The following IGDCC3 variants were observed in gnomAD, a reference collection of about 807,000 sequenced individuals.
IGDCC3 encodes immunoglobulin superfamily DCC subclass member 3.
IGDCC3 carries 47 observed loss-of-function variants against 72.0 expected under a neutral mutation model. The ratio of observed to expected loss-of-function variants is 0.65; its 90% CI spans 0.52 to 0.83. The LOEUF (loss-of-function observed/expected upper bound fraction) is 0.83. Among genes scored for constraint, IGDCC3 ranks in the 40% least tolerant of loss-of-function variants. The pLI, the probability that IGDCC3 is intolerant of heterozygous loss-of-function variation, is 0.00. For missense variants in IGDCC3, 1,038 were observed against 1,091.3 expected (o/e 0.95, Z 0.69); for synonymous variants, 477 against 472.8 (o/e 1.01, Z -0.11).
intron 2 of IGDCC3, among the ~76,000 whole-genome samples, chr15:65,349,279 G>A (rs915206025): frequency 5.9e-5 from 9 of 152,158 alleles, no homozygotes; most frequent in Non-Finnish European, 1.3e-4. Flanking sequence ...TTTATGATGT[G>A]GCTTGGCCCC....
intron 6 of IGDCC3, 104 bp from the exon 7 acceptor site, chr15:65,332,210 G>T: frequency 7.4e-7 from 1 of 1,352,820 alleles, no homozygotes; most frequent in Non-Finnish European, 1.0e-6. Flanking sequence ...AGGGTGAGAG[G>T]TGGGCTCCAA....
In IGDCC3 at chr15:65,328,294, G is replaced by GTTTTTTTTTTT. The variant is rs1567058358; in HGVS notation, c.*614_*615insAAAAAAAAAAA. 1.2e-5 allele frequency: 1 copy of GTTTTTTTTTTT among 86,698 alleles called. No individual in the cohort carries two copies. The highest frequency in any genetic ancestry group is 2.3e-5 in the Non-Finnish European group (1 of 43,212). 5.4% of individuals were successfully genotyped at this position (86,698 alleles called of 1,614,324 possible). A position where few individuals can be genotyped will look rare whatever the true frequency, so the allele number is the denominator to read the frequency against. On this transcript the variant is annotated 3_prime_UTR_variant, in exon 14 of 14. Coordinates refer to ENST00000327987, the MANE Select transcript of IGDCC3 (RefSeq NM_004884.4). ...CTTTCACACCTGGAAACGGGGAAGT[G>GTTTTTTTTTTT]CTTTTTTTTTTTTTTTTTTTTTTAC...
chr15:65,339,437 A>AT lies in IGDCC3; in HGVS notation c.410-3482dup, dbSNP rs1316398977. Among the ~76,000 whole-genome samples, 1 of 152,030 alleles carries AT rather than the reference A, an allele frequency of 6.6e-6. No homozygotes were observed. Among genetic ancestry groups the AT allele is most frequent in the Non-Finnish European group, 1.5e-5 (1 of 67,988 alleles). On this transcript the variant is annotated intron_variant, in intron 2 of 13. Coordinates refer to ENST00000327987, the MANE Select transcript of IGDCC3 (RefSeq NM_004884.4). The surrounding 1 kb of genome is among the most constrained non-coding windows in gnomAD (Gnocchi z 4.1). ...CCTACGTTGCCCGGACTGGCACAGC[A>AT]TTTTTTTCTTTAGGAAGTTTGAGGA...
At chr15:65,365,074 G>C (rs2091282008) in intron 2 of IGDCC3, among the ~76,000 whole-genome samples, 1 of 152,138 alleles carries the variant, frequency 6.6e-6, no homozygotes, top group South Asian at 2.1e-4. Context: ...CCTTGGGCAG[G>C]TCACTCACCT....
chr15:65,359,251 T>C (rs2091245782), intron 2 of IGDCC3, among the ~76,000 whole-genome samples: 1 of 152,360 alleles, frequency 6.6e-6, no homozygotes, highest in South Asian at 2.1e-4. Context: ...GTCCTTTTTT[T>C]CCCCCATTTC....
In IGDCC3 at chr15:65,329,623, G is replaced by C. The variant is rs1336692715; in HGVS notation, c.1998-26C>G. The stretch of plus-strand genomic sequence containing the variant: ...CTAAGGGTTAGCCAAGAGTTGGGGG[G>C]AGGGAGAGAGAAAAGAGACAGAGGC... On this transcript the variant is annotated intron_variant, in intron 12 of 13. Transcript: ENST00000327987. This position sits in a 1 kb window ranked among gnomAD's most constrained non-coding sequence, Gnocchi z 4.1. 6.2e-7 allele frequency: 1 copy of C among 1,611,960 alleles called. No individual in the cohort carries two copies. The highest frequency in any genetic ancestry group is 8.5e-7 in the Non-Finnish European group (1 of 1,178,426).
intron 2 of IGDCC3, among the ~76,000 whole-genome samples, chr15:65,349,395 T>C (rs1028066436): frequency 2.2e-4 from 33 of 152,042 alleles, no homozygotes; most frequent in African/African-American, 8.0e-4. Flanking sequence ...CAGTCAGATT[T>C]TGGGTTTCTC....
intron 2 of IGDCC3, among the ~76,000 whole-genome samples, chr15:65,340,770 C>G (rs35703321): frequency 2.0e-5 from 3 of 152,204 alleles, no homozygotes; most frequent in Non-Finnish European, 2.9e-5. Context: ...ACTCTATCAC[C>G]TAGGCTGCAG....
intron 6 of IGDCC3, 40 bp from the exon 7 acceptor site, chr15:65,332,146 C>G: frequency 6.3e-7 from 1 of 1,591,668 alleles, no homozygotes; most frequent in South Asian, 1.1e-5. Context: ...CAGACAGACA[C>G]AGCTGTGAGT....
chr15:65,369,996 A>G (rs1183374066), intron 2 of IGDCC3, among the ~76,000 whole-genome samples: 1 of 152,126 alleles, frequency 6.6e-6, no homozygotes, highest in African/African-American at 2.4e-5. Context: ...AAAATGATTC[A>G]GACTTCAGAA....
At chr15:65,354,912 C>T (rs887116461) in intron 2 of IGDCC3, among the ~76,000 whole-genome samples, 8 of 152,216 alleles carry the variant, frequency 5.3e-5, no homozygotes, top group African/African-American at 2.4e-5. Context: ...TGCAGATTTC[C>T]GGACCCTGCT....
chr15:65,368,520 C>T (rs1277928021), intron 2 of IGDCC3, among the ~76,000 whole-genome samples: 1 of 152,090 alleles, frequency 6.6e-6, no homozygotes, highest in Non-Finnish European at 1.5e-5. Flanking sequence ...TCAAGTTCTG[C>T]GGGTGGGGGT....
In IGDCC3 at chr15:65,329,382, G is replaced by A; in HGVS notation, c.2205+8C>T. On this transcript the variant is annotated splice_region_variant and intron_variant, in intron 13 of 13. Transcript: ENST00000327987. The surrounding 1 kb of genome is among the most constrained non-coding windows in gnomAD (Gnocchi z 4.1). The stretch of plus-strand genomic sequence containing the variant: ...AGGCGGGGGTTTGTTTAAGACATGG[G>A]CACTCACTGTGGGTCTGGGGTCCGG... 4 of 1,579,962 alleles carry A rather than the reference G, an allele frequency of 2.5e-6. No homozygotes were observed. The highest frequency in any genetic ancestry group is 3.4e-6 in the Non-Finnish European group (4 of 1,167,742).
chr15:65,362,391 T>C (rs891846730), intron 2 of IGDCC3, among the ~76,000 whole-genome samples: 1 of 152,152 alleles, frequency 6.6e-6, no homozygotes, highest in African/African-American at 2.4e-5. Context: ...GTAGGCATCA[T>C]GGTGTCAGGG....
chr15:65,368,445 G>A (rs2091302932), intron 2 of IGDCC3, among the ~76,000 whole-genome samples: 1 of 152,140 alleles, frequency 6.6e-6, no homozygotes, highest in Non-Finnish European at 1.5e-5. Context: ...GTGTTTAAGG[G>A]GCCAGCTGGC....
At chr15:65,365,647 G>A (rs2091285073) in intron 2 of IGDCC3, among the ~76,000 whole-genome samples, 1 of 147,302 alleles carries the variant, frequency 6.8e-6, no homozygotes, top group Non-Finnish European at 1.5e-5. Flanking sequence ...TGCCCTCTTT[G>A]AACCTTATCT....
At chr15:65,352,090 T>C (rs917251474) in intron 2 of IGDCC3, among the ~76,000 whole-genome samples, 18 of 152,226 alleles carry the variant, frequency 1.2e-4, no homozygotes, top group African/African-American at 4.1e-4. Flanking sequence ...GAATATCAGA[T>C]AGGAGTCAAC....
intron 2 of IGDCC3, among the ~76,000 whole-genome samples, chr15:65,369,451 G>A (rs1182801090): frequency 6.6e-6 from 1 of 152,188 alleles, no homozygotes; most frequent in Non-Finnish European, 1.5e-5. Context: ...CTGACTGGCA[G>A]GTTAAAGTGT....
chr15:65,332,305 T>A (rs2090985665), intron 6 of IGDCC3, among the ~76,000 whole-genome samples, 199 bp from the exon 7 acceptor site: 1 of 152,118 alleles, frequency 6.6e-6, no homozygotes, highest in South Asian at 2.1e-4. Context: ...ACCTCCCTCT[T>A]CCCTCCTCCC....
Sources: allele counts gnomAD v4.1 joint callset (sites outside exome capture counted in the v4.1 genomes callset), GRCh38; gene constraint gnomAD v4.1.1; non-coding constraint Gnocchi (gnomAD v3.1); transcripts MANE v1.5; gene names NCBI Gene and HGNC (gene_info 2026-07-23, HGNC 2026-07-21).